Variants in PAPPA2 observed in about 807,000 individuals in gnomAD.
PAPPA2 encodes pappalysin-2.
Under a neutral mutation model 176.4 loss-of-function variants are expected in PAPPA2, and 86 were observed. The observed-to-expected ratio is 0.49, with a 90% CI of 0.41 to 0.58. PAPPA2 has a LOEUF of 0.58. Among genes scored for constraint, PAPPA2 ranks in the 20% least tolerant of loss-of-function variants. PAPPA2 has a pLI of 0.00. For synonymous variants in PAPPA2, 809 were observed against 852.2 expected, an observed-to-expected ratio of 0.95 and a Z score of 0.88; for missense variants, 2,073 against 2,256.9, an observed-to-expected ratio of 0.92 and a Z score of 1.65.
intron 12 of PAPPA2, among the ~76,000 whole-genome samples, chr1:176,728,957 TGTG>T (rs1662006211): frequency 6.6e-6 from 1 of 151,964 alleles, no homozygotes; most frequent in Non-Finnish European, 1.5e-5. Flanking sequence ...ATGGGAAAAA[TGTG>T]GTATCTTACT....
At chr1:176,674,591 T>A (rs1308479963) in intron 4 of PAPPA2, among the ~76,000 whole-genome samples, 1 of 151,978 alleles carries the variant, frequency 6.6e-6, no homozygotes, top group Non-Finnish European at 1.5e-5. Flanking sequence ...TGCCATTATT[T>A]TATTCCTTTT....
intron 14 of PAPPA2, among the ~76,000 whole-genome samples, chr1:176,743,260 G>A (rs975628838): frequency 1.3e-5 from 2 of 152,090 alleles, no homozygotes; most frequent in African/African-American, 4.8e-5. Context: ...AAAGAATAGA[G>A]CCATACTAAA....
intron 3 of PAPPA2, among the ~76,000 whole-genome samples, chr1:176,639,447 T>C (rs1656938904): frequency 6.6e-6 from 1 of 152,104 alleles, no homozygotes; most frequent in African/African-American, 2.4e-5. Context: ...TAAATCTAAT[T>C]TGGCTTTTTT....
intron 1 of PAPPA2, among the ~76,000 whole-genome samples, chr1:176,502,878 C>T (rs1648044832): frequency 6.6e-6 from 1 of 152,164 alleles, no homozygotes; most frequent in African/African-American, 2.4e-5. Context: ...GTAGGTTTTT[C>T]TTCCAGTTAA....
chr1:176,784,540 G>A (rs1392084128), intron 17 of PAPPA2, among the ~76,000 whole-genome samples: 3 of 151,850 alleles, frequency 2.0e-5, no homozygotes, highest in Non-Finnish European at 4.4e-5. Flanking sequence ...CCAAGGTGCT[G>A]GCAGATCCCT....
intron 21 of PAPPA2, among the ~76,000 whole-genome samples, chr1:176,839,428 AG>A (rs1263787998): frequency 6.6e-6 from 1 of 152,216 alleles, no homozygotes; most frequent in African/African-American, 2.4e-5. Flanking sequence ...GATTTACTGC[AG>A]TAGCAGTGGT....
chr1:176,794,060 T>G (rs1415177399), intron 20 of PAPPA2, among the ~76,000 whole-genome samples: 5 of 152,100 alleles, frequency 3.3e-5, no homozygotes, highest in African/African-American at 4.8e-5. Flanking sequence ...AAAAAAAAAT[T>G]CAAGTATATC....
intron 20 of PAPPA2, among the ~76,000 whole-genome samples, chr1:176,799,708 A>T (rs1665591359): frequency 1.3e-5 from 2 of 152,212 alleles, no homozygotes; most frequent in African/African-American, 4.8e-5. Flanking sequence ...TTAAAATTTC[A>T]AAATAAGTGG....
In PAPPA2 at chr1:176,613,353, G is replaced by A. The variant is rs183281562; in HGVS notation, c.1991+17758G>A. 5.3e-5 allele frequency among the ~76,000 whole-genome samples: 8 copies of A among 152,308 alleles called. No homozygotes were observed. The East Asian group carries it at 5.8e-4, about 11-fold the overall frequency. On this transcript the variant is annotated intron_variant, in intron 3 of 22. Coordinates refer to ENST00000367662, the MANE Select transcript of PAPPA2 (RefSeq NM_020318.3). The stretch of plus-strand genomic sequence containing the variant: ...ACTTCACTGCTGGACCATGGGGACC[G>A]TCTTGTTCAACCATTTCATTTTATT...
chr1:176,690,158 C>G lies in PAPPA2; in HGVS notation c.2159C>G (p.Ala720Gly). The change falls in exon 5 of 23, where the codon GCA becomes GGA. Residue 720 changes from alanine (A) to glycine (G), a missense_variant. By Grantham distance (60) the Ala-to-Gly change is moderately conservative. Transcript: ENST00000367662. ...GCAGGTGGCATTGTCCTCAGCCCAG[C>G]ATATTATGGGATGCCTGGCCACACC... ...THLGGIVLSPAYYGMPGHTDT... is the reference protein window; with the variant it reads ...THLGGIVLSPGYYGMPGHTDT... 1.2e-6 allele frequency: 2 copies of G among 1,612,566 alleles called. No homozygotes were observed. The highest frequency in any genetic ancestry group is 1.7e-6 in the Non-Finnish European group (2 of 1,178,748).
chr1:176,802,380 A>G (rs1187190557), intron 21 of PAPPA2, among the ~76,000 whole-genome samples: 1 of 152,180 alleles, frequency 6.6e-6, no homozygotes, highest in Non-Finnish European at 1.5e-5. Context: ...AAAATGAAAA[A>G]GAAAGGACAA....
chr1:176,568,771 T>C (rs1652136664), intron 2 of PAPPA2, among the ~76,000 whole-genome samples: 1 of 152,200 alleles, frequency 6.6e-6, no homozygotes, highest in Admixed American at 6.5e-5. Context: ...GGCCCTGTTG[T>C]GTTCATCCCA....
At chr1:176,687,836 G>T (rs1004575142) in intron 4 of PAPPA2, among the ~76,000 whole-genome samples, 1 of 152,086 alleles carries the variant, frequency 6.6e-6, no homozygotes, top group Non-Finnish European at 1.5e-5. Context: ...ACCCCGGACA[G>T]GTTCTGTGTT....
At chr1:176,608,962 G>T (rs1389657334) in intron 3 of PAPPA2, among the ~76,000 whole-genome samples, 1 of 152,204 alleles carries the variant, frequency 6.6e-6, no homozygotes, top group African/African-American at 2.4e-5. Context: ...AGAAACAGAA[G>T]CCTTAAGCCA....
chr1:176,632,262 T>A (rs936056515), intron 3 of PAPPA2, among the ~76,000 whole-genome samples: 3 of 149,962 alleles, frequency 2.0e-5, no homozygotes, highest in East Asian at 3.9e-4. Context: ...TGTGTGTGTG[T>A]GAGAACAGCT....
At chr1:176,623,601 T>TTTTTA (rs1655731439) in intron 3 of PAPPA2, among the ~76,000 whole-genome samples, 5 of 145,602 alleles carry the variant, frequency 3.4e-5, no homozygotes, top group African/African-American at 1.3e-4. Context: ...CTTCCTTCCT[T>TTTTTA]CCTTCCTTCC....
chr1:176,542,849 T>C (rs139995045), intron 1 of PAPPA2, among the ~76,000 whole-genome samples: 11 of 152,330 alleles, frequency 7.2e-5, no homozygotes, highest in Non-Finnish European at 1.6e-4. Flanking sequence ...GAAATGATAT[T>C]TACACATGAA....
intron 17 of PAPPA2, among the ~76,000 whole-genome samples, chr1:176,783,934 AT>A (rs1483883931): frequency 1.1e-4 from 16 of 152,228 alleles, no homozygotes; most frequent in African/African-American, 3.6e-4. Flanking sequence ...AGCAATCTAG[AT>A]TTTTAAGTGG....
chr1:176,625,551 A>G (rs1444630321), intron 3 of PAPPA2, among the ~76,000 whole-genome samples: 9 of 152,244 alleles, frequency 5.9e-5, no homozygotes, highest in Non-Finnish European at 1.3e-4. Context: ...TTAGTTGAAT[A>G]GAAACACTCA....
Sources: allele counts gnomAD v4.1 joint callset (sites outside exome capture counted in the v4.1 genomes callset), GRCh38; gene constraint gnomAD v4.1.1; transcripts MANE v1.5; gene names NCBI Gene and HGNC (gene_info 2026-07-23, HGNC 2026-07-21).